Variants in MROH7 observed in about 807,000 individuals in gnomAD.
MROH7 encodes maestro heat like repeat family member 7.
MROH7 carries 113 observed loss-of-function variants against 129.2 expected under a neutral mutation model. The ratio of observed to expected loss-of-function variants is 0.87; its 90% CI spans 0.75 to 1.02. The LOEUF is 1.02. Among genes scored for constraint, MROH7 ranks in the 50% least tolerant of loss-of-function variants. The pLI is 0.00. For missense variants in MROH7, 1,601 were observed against 1,671.3 expected (o/e 0.96, Z 0.73); for synonymous variants, 655 against 667.9 (o/e 0.98, Z 0.30).
Position 54,679,274 on chromosome 1 carries a change from C to T in MROH7, c.2061C>T (p.Asp687=), listed in dbSNP as rs1333874193. The T allele has an allele frequency of 1.9e-6, 3 of 1,613,932 alleles. No individual in the cohort carries two copies. In the South Asian group the frequency reaches 3.3e-5, roughly 18 times the overall value. ...CACCTTTGTTTCAGGAATTTGGAGACTTCCTGGGGCCCCAGCAGATAAAGG... is the reference window on the plus strand; with the variant it reads ...CACCTTTGTTTCAGGAATTTGGAGATTTCCTGGGGCCCCAGCAGATAAAGG... The part of the protein sequence containing the change: ...NILRVIEEFG[D]FLGPQQIKDL... The change falls in exon 12 of 24, where the codon GAC becomes GAT. Residue 687 remains aspartate (D), a synonymous_variant. Transcript: ENST00000421030.
intron 17 of MROH7, among the ~76,000 whole-genome samples, chr1:54,696,964 G>A (rs1039958668): frequency 1.3e-5 from 2 of 151,962 alleles, no homozygotes; most frequent in South Asian, 2.1e-4. Context: ...GAGCCACCAC[G>A]CCTAGTCAAA....
chr1:54,647,101 CAG>C (rs1165490802), intron 1 of MROH7, among the ~76,000 whole-genome samples: 1 of 152,164 alleles, frequency 6.6e-6, no homozygotes, highest in African/African-American at 2.4e-5. Context: ...TCCTGGCTGA[CAG>C]TGTCTTTTGA....
intron 3 of MROH7, chr1:54,663,711 A>AAC (rs755932314): frequency 1.2e-4 from 48 of 415,222 alleles, no homozygotes; most frequent in Middle Eastern, 4.6e-4. Flanking sequence ...ACAAAAAAAA[A>AAC]ACAAGCTTTT....
intron 22 of MROH7, among the ~76,000 whole-genome samples, chr1:54,707,395 T>C (rs1273804822): frequency 1.3e-5 from 2 of 152,244 alleles, no homozygotes; most frequent in African/African-American, 2.4e-5. Context: ...CATCCACCCA[T>C]CTGCTGGTTT....
In MROH7 at chr1:54,693,645, G is replaced by A. The variant is rs146826681; in HGVS notation, c.2849+1084G>A. ...TGACCCAGACTAAAGCTCTTCCCCAGGCCATGCACAGCTTCCCACGGGGTC... is the reference window on the plus strand; with the variant it reads ...TGACCCAGACTAAAGCTCTTCCCCAAGCCATGCACAGCTTCCCACGGGGTC... On this transcript the variant is annotated intron_variant, in intron 16 of 23. Coordinates refer to ENST00000421030, the MANE Select transcript of MROH7 (RefSeq NM_001039464.4). 2.2e-3 allele frequency among the ~76,000 whole-genome samples: 332 copies of A among 152,242 alleles called. 1 individual carries two copies. Among genetic ancestry groups the A allele is most frequent in the Non-Finnish European group, 3.8e-3 (259 of 68,018 alleles).
intron 17 of MROH7, chr1:54,698,843 G>T (rs576100249): frequency 4.6e-5 from 7 of 151,846 alleles, no homozygotes; most frequent in Non-Finnish European, 8.8e-5. Context: ...TCCCAGGCTG[G>T]AGTGCAATGG....
intron 3 of MROH7, among the ~76,000 whole-genome samples, chr1:54,659,785 G>A (rs2101081565): frequency 6.6e-6 from 1 of 152,222 alleles, no homozygotes; most frequent in Non-Finnish European, 1.5e-5. Flanking sequence ...CTTCTTTAGT[G>A]CAACATTATG....
intron 21 of MROH7, among the ~76,000 whole-genome samples, 193 bp from the exon 22 acceptor site, chr1:54,706,242 A>T (rs993812966): frequency 1.3e-5 from 2 of 152,092 alleles, no homozygotes; most frequent in African/African-American, 4.8e-5. Flanking sequence ...CACCCAAGGC[A>T]GGAACATCAT....
At chr1:54,693,271 G>A (rs547647005) in intron 16 of MROH7, among the ~76,000 whole-genome samples, 2 of 152,312 alleles carry the variant, frequency 1.3e-5, no homozygotes, top group Admixed American at 6.5e-5. Context: ...GCAACATAGT[G>A]AAACCCCATC....
chr1:54,674,559 C>G (rs936466355), intron 10 of MROH7, among the ~76,000 whole-genome samples: 2 of 152,186 alleles, frequency 1.3e-5, no homozygotes, highest in Non-Finnish European at 2.9e-5. Context: ...CAAGGGCCAT[C>G]TCTGGGCTTG....
chr1:54,670,664 C>A, intron 6 of MROH7, 88 bp downstream of exon 6: 1 of 1,264,152 alleles, frequency 7.9e-7, no homozygotes, highest in Non-Finnish European at 1.1e-6. Context: ...GTACCCTCCC[C>A]CAACCCGCCC....
intron 1 of MROH7, among the ~76,000 whole-genome samples, chr1:54,643,509 C>T (rs1488218218): frequency 1.3e-5 from 2 of 152,240 alleles, no homozygotes; most frequent in African/African-American, 4.8e-5. Context: ...ACACAGATAT[C>T]AGACTTCAGA....
At chr1:54,685,586 AG>A (rs1645135502) in intron 14 of MROH7, among the ~76,000 whole-genome samples, 1 of 152,076 alleles carries the variant, frequency 6.6e-6, no homozygotes, top group East Asian at 1.9e-4. Context: ...GCCAAGTATG[AG>A]GGTGGGCCCA....
Position 54,668,891 on chromosome 1 carries a change from T to A in MROH7, c.1343T>A (p.Leu448Gln), listed in dbSNP as rs1319936381. The change falls in exon 5 of 24, where the codon CTG becomes CAG. Residue 448 changes from leucine (L) to glutamine (Q), a missense_variant. Coordinates refer to ENST00000421030, the MANE Select transcript of MROH7 (RefSeq NM_001039464.4). ...ACCACCCTTCAGAAGAGCCAGGATC[T>A]GCTGGAGGCAGAAGGAGAAAAGAAG... ...NVTTLQKSQD[L>Q]LEAEGEKKTM... 1.9e-6 allele frequency: 3 copies of A among 1,613,650 alleles called. No individual in the cohort carries two copies. In the East Asian group the frequency reaches 6.7e-5, roughly 36 times the overall value.
chr1:54,665,349 T>G, intron 4 of MROH7, 109 bp downstream of exon 4: 1 of 705,988 alleles, frequency 1.4e-6, no homozygotes, highest in South Asian at 1.8e-5. Flanking sequence ...TCTGCCCAGC[T>G]CTCCTTTTCT....
At chr1:54,676,434 G>A (rs747142550) in intron 10 of MROH7, among the ~76,000 whole-genome samples, 1 of 152,078 alleles carries the variant, frequency 6.6e-6, no homozygotes. Flanking sequence ...TTTTGAGATG[G>A]AGTGTAGCTC....
rs181655955 is a variant in MROH7 at position 54,702,109 on chromosome 1, C to A, written c.3305C>A (p.Ser1102Tyr). 3.1e-6 allele frequency: 5 copies of A among 1,604,994 alleles called. No individual in the cohort carries two copies. In the South Asian group the frequency reaches 4.4e-5, roughly 14 times the overall value. Residue 1102 changes from serine (S) to tyrosine (Y), a missense_variant, in exon 20 of 24, where the codon TCC becomes TAC. By Grantham distance (144) the Ser-to-Tyr change is moderately radical. Coordinates refer to ENST00000421030, the MANE Select transcript of MROH7 (RefSeq NM_001039464.4). The part of the protein sequence containing the change: ...HFSDAREVVR[S>Y]SCINLYGKVV... ...CCCCAGGCACGAGAGGTCGTGCGCT[C>A]CTCCTGCATCAACCTGTATGGGAAG...
intron 17 of MROH7, chr1:54,700,120 G>A: frequency 1.3e-6 from 1 of 743,146 alleles, no homozygotes; most frequent in South Asian, 1.5e-5. Context: ...GGGGCTCGGA[G>A]CTGGAGAGTG....
In MROH7 at chr1:54,702,155, A is replaced by C. The variant is rs1645449005; in HGVS notation, c.3351A>C (p.Ala1117=). 2.5e-6 allele frequency: 4 copies of C among 1,611,510 alleles called. No homozygotes were observed. Among genetic ancestry groups the C allele is most frequent in the Non-Finnish European group, 2.5e-6 (3 of 1,178,970 alleles). Residue 1117 remains alanine (A), a synonymous_variant, in exon 20 of 24, where the codon GCA becomes GCC. Transcript: ENST00000421030. ...GGAAGGTGGTCCAGAAGCTTCGGGC[A>C]CCACGCACTCAGGCCATGGAGGAGC... is the stretch of plus-strand genomic sequence containing the variant. ...LYGKVVQKLR[A]PRTQAMEEQL...
Sources: allele counts gnomAD v4.1 joint callset (sites outside exome capture counted in the v4.1 genomes callset), GRCh38; gene constraint gnomAD v4.1.1; transcripts MANE v1.5; gene names NCBI Gene and HGNC (gene_info 2026-07-23, HGNC 2026-07-21).